Variants in FNDC3A observed in about 807,000 individuals in gnomAD.
FNDC3A encodes the protein fibronectin type III domain containing 3A.
A neutral mutation model predicts 148.9 loss-of-function variants in FNDC3A; 32 were observed. That is an observed-to-expected ratio of 0.21 (90% confidence interval 0.16 to 0.29). The LOEUF (loss-of-function observed/expected upper bound fraction) is 0.29, where lower values mean the gene tolerates loss of function less well. Ranked by LOEUF, FNDC3A falls within the 10% of genes least tolerant of loss-of-function variation. The pLI, the probability that FNDC3A is intolerant of heterozygous loss-of-function variation, is 1.00. For missense variants in FNDC3A, 1,191 were observed against 1,452.8 expected, an observed-to-expected ratio of 0.82 and a Z score of 2.93; for synonymous variants, 472 against 473.6, an observed-to-expected ratio of 1.00 and a Z score of 0.04.
chr13:49,110,221 G>C (rs1401969239), intron 3 of FNDC3A: 3 of 640,300 alleles, frequency 4.7e-6, no homozygotes, highest in East Asian at 3.3e-5. Context: ...TTTCCCCCTT[G>C]CCCTTTCCTG....
chr13:49,203,659 A>G (rs1416041440), intron 25 of FNDC3A, among the ~76,000 whole-genome samples: 2 of 152,210 alleles, frequency 1.3e-5, no homozygotes, highest in Non-Finnish European at 2.9e-5. Flanking sequence ...GATAAAAGAA[A>G]TAGGGAGTGG....
intron 7 of FNDC3A, among the ~76,000 whole-genome samples, chr13:49,142,989 T>G (rs1181954290): frequency 6.6e-6 from 1 of 152,158 alleles, no homozygotes; most frequent in Non-Finnish European, 1.5e-5. Context: ...GGTCTCAGTC[T>G]CCTGAGTAGC....
At chr13:49,067,142 T>G (rs986596846) in intron 2 of FNDC3A, among the ~76,000 whole-genome samples, 1 of 152,106 alleles carries the variant, frequency 6.6e-6, no homozygotes, top group Non-Finnish European at 1.5e-5. Context: ...TACTAAAAGG[T>G]CAGATGAGGG....
chr13:49,112,431 GC>G (rs577797579), intron 3 of FNDC3A, among the ~76,000 whole-genome samples: 287 of 152,272 alleles, frequency 1.9e-3, no homozygotes, highest in African/African-American at 6.6e-3. Flanking sequence ...AAGCTTTTCT[GC>G]CTAGAGGTAT....
intron 1 of FNDC3A, chr13:48,976,624 T>G (rs903645993): frequency 1.3e-5 from 2 of 152,276 alleles, no homozygotes; most frequent in Non-Finnish European, 2.9e-5. Flanking sequence ...GGAATCCTCC[T>G]GAGAGGATCG....
chr13:48,992,745 A>T (rs941369252), intron 1 of FNDC3A, among the ~76,000 whole-genome samples: 1 of 152,200 alleles, frequency 6.6e-6, no homozygotes, highest in Non-Finnish European at 1.5e-5. Context: ...TCAAAAATCA[A>T]GAGTAGTTGA....
chr13:49,181,158 A>T (rs1311934656), intron 14 of FNDC3A, among the ~76,000 whole-genome samples: 1 of 152,246 alleles, frequency 6.6e-6, no homozygotes, highest in Non-Finnish European at 1.5e-5. Flanking sequence ...GGAGAAGTAT[A>T]CAGTCAGAAT....
chr13:48,986,388 T>TTG (rs1555274128), intron 1 of FNDC3A, among the ~76,000 whole-genome samples: 3 of 92,414 alleles, frequency 3.2e-5, no homozygotes, highest in Non-Finnish European at 6.2e-5. Context: ...GGAAGTTGTT[T>TTG]TTTTTTTTTT....
chr13:49,155,449 G>T (rs1883604274), intron 8 of FNDC3A, among the ~76,000 whole-genome samples: 1 of 145,730 alleles, frequency 6.9e-6, no homozygotes, highest in Non-Finnish European at 1.5e-5. Flanking sequence ...TATCTATTTT[G>T]TTGATCCTTT....
chr13:49,023,548 G>C (rs1477079735), intron 2 of FNDC3A, among the ~76,000 whole-genome samples: 1 of 151,798 alleles, frequency 6.6e-6, no homozygotes, highest in Non-Finnish European at 1.5e-5. Flanking sequence ...CTGGAATTTT[G>C]AGGGATTCTT....
chr13:48,987,331 G>A (rs891467636), intron 1 of FNDC3A, among the ~76,000 whole-genome samples: 3 of 152,154 alleles, frequency 2.0e-5, no homozygotes, highest in Non-Finnish European at 4.4e-5. Flanking sequence ...ACTGGGGTTC[G>A]TTTCTTGGAA....
chr13:49,193,083 G>T lies in FNDC3A; in HGVS notation c.2226+1699G>T, dbSNP rs902875296. 2.6e-5 allele frequency among the ~76,000 whole-genome samples: 4 copies of T among 152,212 alleles called. No homozygotes were observed. The East Asian group carries it at 7.7e-4, about 29-fold the overall frequency. On this transcript the variant is annotated intron_variant, in intron 19 of 25. Transcript: ENST00000492622. Reference sequence around the variant, plus strand: ...CTTGAGGAACAGAATCCTTACTTCAGTTCTTATAAATAGTTGTGCTAAACC... The same window carrying T: ...CTTGAGGAACAGAATCCTTACTTCATTTCTTATAAATAGTTGTGCTAAACC...
chr13:49,202,861 C>T (rs2138140529), intron 24 of FNDC3A, among the ~76,000 whole-genome samples: 1 of 152,260 alleles, frequency 6.6e-6, no homozygotes, highest in South Asian at 2.1e-4. Flanking sequence ...TTTGAATCAG[C>T]TGGGCATGGC....
At chr13:49,143,340 A>C (rs912297648) in intron 7 of FNDC3A, among the ~76,000 whole-genome samples, 6 of 152,086 alleles carry the variant, frequency 3.9e-5, no homozygotes, top group African/African-American at 1.4e-4. Context: ...CCCAAGCAAC[A>C]ATAGTAAGAC....
chr13:48,982,807 T>C (rs1360491013), intron 1 of FNDC3A, among the ~76,000 whole-genome samples: 2 of 152,202 alleles, frequency 1.3e-5, no homozygotes, highest in African/African-American at 4.8e-5. Context: ...TTAGTTGACT[T>C]CTCATACTGG....
intron 6 of FNDC3A, among the ~76,000 whole-genome samples, chr13:49,137,376 G>A (rs1046647866): frequency 3.9e-5 from 6 of 152,018 alleles, no homozygotes; most frequent in African/African-American, 1.4e-4. Flanking sequence ...ACCAAGTCTC[G>A]CTCTGTCACC....
At chr13:49,128,864 A>T (rs925646190) in intron 4 of FNDC3A, among the ~76,000 whole-genome samples, 1 of 152,188 alleles carries the variant, frequency 6.6e-6, no homozygotes, top group African/African-American at 2.4e-5. Context: ...AGATTTCTAC[A>T]TAGTTAATTC....
chr13:49,093,501 C>G (rs965964722), intron 3 of FNDC3A, among the ~76,000 whole-genome samples: 11 of 152,322 alleles, frequency 7.2e-5, no homozygotes. Flanking sequence ...GCAACCCTTT[C>G]AGCTAACTAT....
At chr13:49,187,273 C>G (rs1035106771) in intron 16 of FNDC3A, 83 bp downstream of exon 16, 13 of 1,059,052 alleles carry the variant, frequency 1.2e-5, no homozygotes, top group East Asian at 9.8e-5. Flanking sequence ...TATGTCATAT[C>G]TTTTCTTTCT....
Sources: gnomAD v4.1 joint callset for allele counts (sites outside exome capture counted in the v4.1 genomes callset) on GRCh38, gnomAD v4.1.1 for gene constraint, MANE v1.5 for transcripts, NCBI Gene and HGNC (gene_info 2026-07-23, HGNC 2026-07-21) for gene names.